LOC128125822: variants seen among roughly 807,000 people sequenced by gnomAD.
At chr6:63,577,753 T>C in the LOC128125822 span, among the ~76,000 whole-genome samples, 27 of 151,876 alleles carry the variant, frequency 1.8e-4, no homozygotes, top group African/African-American at 6.5e-4. Flanking sequence ...AGTTTCACCA[T>C]ATTGGCCAGG....
At chr6:63,578,287 T>A in the LOC128125822 span, 1 of 1,000,306 alleles carries the variant, frequency 1.0e-6, no homozygotes, top group East Asian at 3.5e-5. Flanking sequence ...AAAATTTGCT[T>A]TTGTGTTAAA....
At chr6:63,579,860 A>T in the LOC128125822 span, among the ~76,000 whole-genome samples, 13 of 152,192 alleles carry the variant, frequency 8.5e-5, no homozygotes, top group Non-Finnish European at 1.5e-4. Context: ...TCAAACGAAG[A>T]TATAAAGAAA....
the LOC128125822 span, chr6:63,581,600 TG>T: frequency 6.6e-6 from 1 of 152,304 alleles, no homozygotes; most frequent in African/African-American, 2.4e-5. Flanking sequence ...AGACAAAATT[TG>T]TTAGGGTCAT....
chr6:63,578,334 G>A, the LOC128125822 span: 1 of 1,288,696 alleles, frequency 7.8e-7, no homozygotes, highest in Non-Finnish European at 1.0e-6. Context: ...ATGATCTTCT[G>A]TTAACCAGCA....
chr6:63,576,629 A>G, the LOC128125822 span: 1 of 502,060 alleles, frequency 2.0e-6, no homozygotes, highest in Admixed American at 3.8e-5. Flanking sequence ...GCATTTTACA[A>G]GAGTTCTGAC....
chr6:63,583,306 TTAAA>T, the LOC128125822 span: 1 of 152,242 alleles, frequency 6.6e-6, no homozygotes, highest in African/African-American at 2.4e-5. Flanking sequence ...TCTTGCTTCC[TTAAA>T]TTAATATGTT....
chr6:63,575,948 A>G, the LOC128125822 span, among the ~76,000 whole-genome samples: 2 of 152,062 alleles, frequency 1.3e-5, no homozygotes, highest in Non-Finnish European at 2.9e-5. Flanking sequence ...ATGCAAGACT[A>G]ATAACTTCAG....
At chr6:63,576,818 T>A in the LOC128125822 span, 3 of 1,348,644 alleles carry the variant, frequency 2.2e-6, no homozygotes, top group Non-Finnish European at 1.0e-6. Flanking sequence ...CTTTGCATCA[T>A]TTCTGTATTC....
the LOC128125822 span, chr6:63,580,071 CTT>C: frequency 6.2e-7 from 1 of 1,606,778 alleles, no homozygotes; most frequent in Non-Finnish European, 8.5e-7. Flanking sequence ...CGGCGTGGAG[CTT>C]TTAACAGCAA....
At chr6:63,578,996 T>C in the LOC128125822 span, 3 of 1,607,078 alleles carry the variant, frequency 1.9e-6, no homozygotes, top group Middle Eastern at 1.7e-4. Flanking sequence ...CTGGTTGTTG[T>C]ATTGCTGTTC....
At chr6:63,576,722 G>A in the LOC128125822 span, 1 of 629,090 alleles carries the variant, frequency 1.6e-6, no homozygotes, top group African/African-American at 1.9e-5. Flanking sequence ...CTTGTTAGGA[G>A]GTTCATTTCA....
the LOC128125822 span, chr6:63,582,972 A>G: frequency 6.6e-6 from 1 of 152,100 alleles, no homozygotes; most frequent in Non-Finnish European, 1.5e-5. Context: ...AAGAATCTCA[A>G]TCTCTTGAAA....
the LOC128125822 span, chr6:63,583,097 C>T: frequency 2.6e-5 from 4 of 152,034 alleles, no homozygotes; most frequent in African/African-American, 9.7e-5. Context: ...CCAATGAGTA[C>T]CCGACCCGTT....
chr6:63,573,775 T>A, the LOC128125822 span, among the ~76,000 whole-genome samples: 1 of 152,086 alleles, frequency 6.6e-6, no homozygotes, highest in Non-Finnish European at 1.5e-5. Context: ...GTTCGGAGCG[T>A]CTTGGAAACT....
At chr6:63,580,763 A>G in the LOC128125822 span, 1 of 148,940 alleles carries the variant, frequency 6.7e-6, no homozygotes, top group Non-Finnish European at 1.5e-5. Context: ...TACAGTGATT[A>G]TTTTACGTGT....
chr6:63,576,958 C>T, the LOC128125822 span: 12 of 1,613,804 alleles, frequency 7.4e-6, no homozygotes, highest in Non-Finnish European at 9.3e-6. Context: ...ACAATCCAAC[C>T]AATGCGACCT....
the LOC128125822 span, chr6:63,580,287 T>C: frequency 1.2e-6 from 1 of 860,298 alleles, no homozygotes; most frequent in Non-Finnish European, 1.8e-6. Flanking sequence ...ATAGGAGTAT[T>C]GAAAGGCAGT....
At chr6:63,576,552 C>T in the LOC128125822 span, 3 of 442,418 alleles carry the variant, frequency 6.8e-6, no homozygotes, top group Non-Finnish European at 1.2e-5. Context: ...CTGATTACTG[C>T]TCCACCAAGA....
At chr6:63,575,116 G>A in the LOC128125822 span, among the ~76,000 whole-genome samples, 3 of 152,184 alleles carry the variant, frequency 2.0e-5, no homozygotes, top group Non-Finnish European at 4.4e-5. Context: ...CAAAGTTCTA[G>A]AAACTATAAC....
Sources: allele counts gnomAD v4.1 joint callset (sites outside exome capture counted in the v4.1 genomes callset), GRCh38; gene constraint gnomAD v4.1.1; transcripts MANE v1.5.